HDAC9: variants seen among roughly 807,000 people sequenced by gnomAD.
HDAC9 encodes histone deacetylase 9, also known as MEF-2 interacting transcription repressor (MITR) protein.
A neutral mutation model predicts 139.4 loss-of-function variants in HDAC9; 41 were observed. That is an observed-to-expected ratio of 0.29 (90% CI 0.23 to 0.38). The LOEUF (loss-of-function observed/expected upper bound fraction) is 0.38, where lower values mean the gene tolerates loss of function less well. Among genes scored for constraint, HDAC9 ranks in the 10% least tolerant of loss-of-function variants. The probability of loss-of-function intolerance (pLI) is 1.00; values close to 1 mark genes in which losing one functional copy is unlikely to be tolerated. For missense variants in HDAC9, 1,147 were observed against 1,297.0 expected, an observed-to-expected ratio of 0.88 and a Z score of 1.78; for synonymous variants, 517 against 476.2, an observed-to-expected ratio of 1.09 and a Z score of -1.12.
At position 18,777,386 on chromosome 7, in the gene HDAC9, T is replaced by C. The variant is rs1460227992; in HGVS notation, c.2214+10231T>C. On this transcript the variant is annotated intron_variant, in intron 16 of 25. Transcript: ENST00000686413. ...CATTTTAGTGTCTTCTTGAATGACA[T>C]TGTCACATTATGGCCTCAGTTGCTC... 4.6e-5 allele frequency among the ~76,000 whole-genome samples: 7 copies of C among 152,076 alleles called. No individual in the cohort carries two copies. The South Asian group carries it at 1.5e-3, about 32-fold the overall frequency.
chr7:18,272,391 G>C (rs888877736), intron 2 of HDAC9, among the ~76,000 whole-genome samples: 2 of 152,066 alleles, frequency 1.3e-5, no homozygotes, highest in African/African-American at 2.4e-5. Context: ...TTCTAAGAAG[G>C]AGTCAGTAGG....
chr7:18,693,635 A>G (rs1357795721), intron 12 of HDAC9, among the ~76,000 whole-genome samples: 1 of 152,118 alleles, frequency 6.6e-6, no homozygotes, highest in Non-Finnish European at 1.5e-5. Flanking sequence ...TTCCAGCTAC[A>G]AGTTTCACAA....
intron 22 of HDAC9, among the ~76,000 whole-genome samples, chr7:18,909,433 G>A (rs1425701088): frequency 6.6e-6 from 1 of 151,730 alleles, no homozygotes; most frequent in Non-Finnish European, 1.5e-5. Context: ...TTGTTGCCTG[G>A]TGTTTGAAGC....
At chr7:18,729,870 C>G (rs1405227847) in intron 13 of HDAC9, among the ~76,000 whole-genome samples, 1 of 152,086 alleles carries the variant, frequency 6.6e-6, no homozygotes, top group African/African-American at 2.4e-5. Context: ...ATTCAATAAA[C>G]ATTTTAGTTG....
At chr7:18,537,974 A>G (rs1233514430) in intron 2 of HDAC9, among the ~76,000 whole-genome samples, 1 of 152,290 alleles carries the variant, frequency 6.6e-6, no homozygotes, top group Non-Finnish European at 1.5e-5. Flanking sequence ...TCTGTGCCCA[A>G]CGTGACCTCT....
intron 2 of HDAC9, among the ~76,000 whole-genome samples, chr7:18,574,398 G>T (rs1825328818): frequency 6.6e-6 from 1 of 152,234 alleles, no homozygotes; most frequent in South Asian, 2.1e-4. Flanking sequence ...GCGCTTCAGA[G>T]GAGGGGAAGT....
chr7:18,900,673 C>A (rs920623128), intron 22 of HDAC9, among the ~76,000 whole-genome samples: 1 of 152,144 alleles, frequency 6.6e-6, no homozygotes, highest in Non-Finnish European at 1.5e-5. Flanking sequence ...TTCTAATTCC[C>A]TGAGGATTCA....
chr7:18,532,781 C>G (rs1328210998), intron 2 of HDAC9, among the ~76,000 whole-genome samples: 1 of 151,506 alleles, frequency 6.6e-6, no homozygotes, highest in Non-Finnish European at 1.5e-5. Flanking sequence ...CCTTTTCACT[C>G]CACAGCAGCA....
intron 21 of HDAC9, among the ~76,000 whole-genome samples, chr7:18,848,626 G>C (rs1797065705): frequency 6.6e-6 from 1 of 151,866 alleles, no homozygotes; most frequent in African/African-American, 2.4e-5. Flanking sequence ...CCAGAACTGT[G>C]AGAAACTAAG....
intron 2 of HDAC9, among the ~76,000 whole-genome samples, chr7:18,179,452 T>G (rs1013425262): frequency 6.6e-5 from 10 of 152,178 alleles, no homozygotes; most frequent in Non-Finnish European, 1.3e-4. Context: ...TGCAGGATCA[T>G]TAAAGAAATG....
rs117069149 is a variant in HDAC9 at position 18,925,476 on chromosome 7, G to A, written c.2804-10333G>A. 5.3e-3 allele frequency among the ~76,000 whole-genome samples: 805 copies of A among 152,216 alleles called. 3 individuals carry two copies. Among genetic ancestry groups the A allele is most frequent in the Non-Finnish European group, 8.6e-3 (587 of 68,020 alleles). On this transcript the variant is annotated intron_variant, in intron 22 of 25. Coordinates refer to ENST00000686413, the MANE Select transcript of HDAC9 (RefSeq NM_178425.4). ...GCTCATAACTATGCCTTCATTGCCA[G>A]CACAGTTCCTTGGTCACATAGTAGC... is the stretch of plus-strand genomic sequence containing the variant.
chr7:18,635,397 A>G (rs1341139965), intron 8 of HDAC9, among the ~76,000 whole-genome samples: 1 of 152,050 alleles, frequency 6.6e-6, no homozygotes, highest in Admixed American at 6.6e-5. Flanking sequence ...CATGGACAAG[A>G]TATGAACTCT....
chr7:18,166,817 G>A (rs1210287716), intron 2 of HDAC9, among the ~76,000 whole-genome samples: 1 of 152,106 alleles, frequency 6.6e-6, no homozygotes, highest in Non-Finnish European at 1.5e-5. Flanking sequence ...CTAAAACCAG[G>A]ACAAAGCTAC....
At chr7:18,811,153 T>C (rs1292157088) in intron 17 of HDAC9, among the ~76,000 whole-genome samples, 2 of 151,872 alleles carry the variant, frequency 1.3e-5, no homozygotes, top group Non-Finnish European at 3.0e-5. Context: ...ATTTGCCTTA[T>C]CAGTCTGGCT....
At chr7:18,180,021 C>T (rs748600961) in intron 2 of HDAC9, among the ~76,000 whole-genome samples, 4 of 152,166 alleles carry the variant, frequency 2.6e-5, no homozygotes, top group Non-Finnish European at 5.9e-5. Flanking sequence ...CCAGCTCTGT[C>T]ACAATTTCCA....
chr7:18,970,097 A>G (rs1784150291), intron 24 of HDAC9, among the ~76,000 whole-genome samples: 1 of 152,180 alleles, frequency 6.6e-6, no homozygotes, highest in South Asian at 2.1e-4. Context: ...AAAAATTTCA[A>G]ACTTATTAAC....
intron 8 of HDAC9, among the ~76,000 whole-genome samples, chr7:18,636,889 A>G (rs115155177): frequency 0.011 from 1,658 of 151,892 alleles, 23 homozygotes; most frequent in African/African-American, 0.038. Context: ...TTTTTTTTCA[A>G]AAAATTTTAG....
chr7:18,850,032 C>T (rs1364635530), intron 21 of HDAC9, among the ~76,000 whole-genome samples: 3 of 145,416 alleles, frequency 2.1e-5, no homozygotes, highest in Non-Finnish European at 4.5e-5. Flanking sequence ...ATTGCCCTTT[C>T]ATTTTACTGT....
At chr7:18,390,208 G>C (rs1786344543) in intron 1 of HDAC9, among the ~76,000 whole-genome samples, 1 of 152,082 alleles carries the variant, frequency 6.6e-6, no homozygotes, top group South Asian at 2.1e-4. Context: ...AATATAGCTA[G>C]ATTTAAAAGT....
Sources: gnomAD v4.1 joint callset for allele counts (sites outside exome capture counted in the v4.1 genomes callset) on GRCh38, gnomAD v4.1.1 for gene constraint, MANE v1.5 for transcripts, NCBI Gene and HGNC (gene_info 2026-07-23, HGNC 2026-07-21) for gene names.